TLE1: variants seen among roughly 807,000 people sequenced by gnomAD.
TLE1 encodes the protein transducin-like enhancer protein 1.
In TLE1, 21 loss-of-function variants were observed where a neutral mutation model predicts 89.8. That is an observed-to-expected ratio of 0.23 (90% CI 0.17 to 0.34). The LOEUF is 0.34. TLE1 is among the 10% of genes least tolerant of loss of function. TLE1 has a pLI of 1.00. For synonymous variants in TLE1, 447 were observed against 407.6 expected (o/e 1.10, Z -1.16); for missense variants, 795 against 1,031.2 (o/e 0.77, Z 3.14).
At chr9:81,643,742 C>T (rs1828466446) in intron 6 of TLE1, among the ~76,000 whole-genome samples, 1 of 152,124 alleles carries the variant, frequency 6.6e-6, no homozygotes, top group Non-Finnish European at 1.5e-5. Context: ...TGCTATGTTG[C>T]CCAGGCTGGT....
At chr9:81,651,610 T>C (rs11139358) in intron 6 of TLE1, among the ~76,000 whole-genome samples, 7,975 of 152,174 alleles carry the variant, frequency 0.052, 698 homozygotes, top group African/African-American at 0.18. Flanking sequence ...CCAACAGTTC[T>C]ATAGGTTCGA....
intron 8 of TLE1, among the ~76,000 whole-genome samples, chr9:81,624,018 A>G (rs1825616672): frequency 6.6e-6 from 1 of 152,106 alleles, no homozygotes; most frequent in Non-Finnish European, 1.5e-5. Flanking sequence ...GATTCCCATT[A>G]CAGCCAAAGT....
intron 4 of TLE1, among the ~76,000 whole-genome samples, chr9:81,663,419 G>T (rs1185184494): frequency 2.3e-4 from 35 of 152,136 alleles, no homozygotes; most frequent in Admixed American, 2.3e-3. Flanking sequence ...GATAAAACAA[G>T]AAAGAGCTGA....
intron 6 of TLE1, among the ~76,000 whole-genome samples, chr9:81,649,019 TTAATA>T (rs1405291096): frequency 6.6e-6 from 1 of 152,088 alleles, no homozygotes; most frequent in African/African-American, 2.4e-5. Context: ...TACAATACAT[TTAATA>T]GGAAAAGAAT....
chr9:81,606,774 A>AT lies in TLE1; in HGVS notation c.1331+3445dup, dbSNP rs149257316. ...CATGTACCCTAGAACTTAAAGTATAATTAAAAAAAAAACCATATATATATA... is the reference window on the plus strand; with the variant it reads ...CATGTACCCTAGAACTTAAAGTATAATTTAAAAAAAAAACCATATATATATA... On this transcript the variant is annotated intron_variant, in intron 14 of 19. Transcript: ENST00000376499. Among the ~76,000 whole-genome samples the AT allele has an allele frequency of 7.8e-4, 111 of 141,816 alleles. 1 individual carries two copies. The highest frequency in any genetic ancestry group is 6.0e-3 in the Admixed American group (83 of 13,916). 93.0% of individuals were successfully genotyped at this position (141,816 alleles called of 152,430 possible).
At chr9:81,685,601 C>T in intron 4 of TLE1, 75 bp downstream of exon 4, 5 of 1,506,314 alleles carry the variant, frequency 3.3e-6, no homozygotes, top group Non-Finnish European at 4.6e-6. Flanking sequence ...GAGCCCACTA[C>T]TGAGAACAAA....
intron 4 of TLE1, among the ~76,000 whole-genome samples, chr9:81,672,214 C>T (rs1282309855): frequency 2.0e-5 from 3 of 152,142 alleles, no homozygotes; most frequent in South Asian, 4.1e-4. Flanking sequence ...CAAATACTTA[C>T]AAAGACACAC....
chr9:81,619,226 A>G (rs1340420227), intron 9 of TLE1, among the ~76,000 whole-genome samples: 3 of 152,210 alleles, frequency 2.0e-5, no homozygotes, highest in Non-Finnish European at 4.4e-5. Flanking sequence ...TATGTGCTAA[A>G]AAGTGTTGGG....
chr9:81,583,980 C>T lies in TLE1; in HGVS notation c.*218G>A, dbSNP rs185957296. On this transcript the variant is annotated 3_prime_UTR_variant, in exon 20 of 20. Coordinates refer to ENST00000376499, the MANE Select transcript of TLE1 (RefSeq NM_005077.5). ...TCCTACAACCCATGGCCCCTCTGTC[C>T]GCTTGGCCTTGGTGCTCCATTTGGT... 6.3e-4 allele frequency: 339 copies of T among 540,366 alleles called. 1 individual carries two copies. Among genetic ancestry groups the T allele is most frequent in the South Asian group, 2.3e-3 (98 of 42,002 alleles). The allele number at this position is 540,366 out of a possible 1,614,324, so 33.5% of individuals were successfully genotyped here.
intron 9 of TLE1, among the ~76,000 whole-genome samples, chr9:81,619,203 A>G (rs1292309445): frequency 6.6e-6 from 1 of 152,212 alleles, no homozygotes. Flanking sequence ...GGCAACAGGC[A>G]AGGGGAGAAT....
intron 18 of TLE1, 135 bp downstream of exon 18, chr9:81,585,370 T>A: frequency 8.5e-7 from 1 of 1,174,312 alleles, no homozygotes; most frequent in African/African-American, 1.5e-5. Flanking sequence ...GAAGGGCATA[T>A]TAAAACAATA....
intron 6 of TLE1, among the ~76,000 whole-genome samples, chr9:81,637,017 G>T (rs866111681): frequency 7.0e-6 from 1 of 143,624 alleles, no homozygotes; most frequent in African/African-American, 2.7e-5. Context: ...AAAAAAAAAA[G>T]AAAAAAGAAA....
intron 6 of TLE1, among the ~76,000 whole-genome samples, chr9:81,639,578 T>G (rs977686210): frequency 8.0e-5 from 12 of 149,742 alleles, no homozygotes; most frequent in South Asian, 2.2e-4. Context: ...AAAAGTTGTT[T>G]TTTTTTTTTG....
intron 4 of TLE1, among the ~76,000 whole-genome samples, chr9:81,679,312 TC>T (rs1478699271): frequency 4.1e-5 from 6 of 145,872 alleles, no homozygotes; most frequent in African/African-American, 1.0e-4. Context: ...CACTTTTTTT[TC>T]TTTTTTTTTC....
chr9:81,609,453 T>A (rs905543295), intron 14 of TLE1, among the ~76,000 whole-genome samples: 3 of 152,216 alleles, frequency 2.0e-5, no homozygotes, highest in African/African-American at 7.2e-5. Context: ...CACATTTCAA[T>A]TCTGCTGTTT....
intron 11 of TLE1, among the ~76,000 whole-genome samples, chr9:81,615,373 C>T (rs2132111512): frequency 6.6e-6 from 1 of 150,572 alleles, no homozygotes; most frequent in Non-Finnish European, 1.5e-5. Context: ...CATTTGTCAA[C>T]TGGGAAGTTT....
At chr9:81,647,425 C>A (rs1828992266) in intron 6 of TLE1, among the ~76,000 whole-genome samples, 1 of 152,236 alleles carries the variant, frequency 6.6e-6, no homozygotes, top group South Asian at 2.1e-4. Flanking sequence ...TTTTTCACTA[C>A]TGTTTCCTTA....
intron 4 of TLE1, among the ~76,000 whole-genome samples, chr9:81,677,077 A>T (rs1237568807): frequency 2.6e-5 from 4 of 152,022 alleles, no homozygotes; most frequent in Admixed American, 6.6e-5. Flanking sequence ...TCTCTACCAA[A>T]ATGTAACAAT....
chr9:81,673,556 T>G (rs1217929263), intron 4 of TLE1, among the ~76,000 whole-genome samples: 1 of 152,166 alleles, frequency 6.6e-6, no homozygotes, highest in Non-Finnish European at 1.5e-5. Flanking sequence ...ACTACGCAAC[T>G]GCTCCTGCAT....
Sources: gnomAD v4.1 joint callset for allele counts (sites outside exome capture counted in the v4.1 genomes callset) on GRCh38, gnomAD v4.1.1 for gene constraint, MANE v1.5 for transcripts, NCBI Gene and HGNC (gene_info 2026-07-23, HGNC 2026-07-21) for gene names.